PSMD14: variants seen among roughly 807,000 people sequenced by gnomAD.
PSMD14 encodes ubiquitin C-terminal hydrolase PSMD14.
In PSMD14, 7 loss-of-function variants were observed where a neutral mutation model predicts 41.2. That is an observed-to-expected ratio of 0.17 (90% confidence interval 0.10 to 0.32). The LOEUF is 0.32. Ranked by LOEUF, PSMD14 falls within the 10% of genes least tolerant of loss-of-function variation. The pLI is 1.00. For missense variants in PSMD14, 139 were observed against 375.6 expected (o/e 0.37, Z 5.21); for synonymous variants, 114 against 122.3 (o/e 0.93, Z 0.45).
chr2:161,395,781 C>T (rs1250737009), intron 10 of PSMD14, among the ~76,000 whole-genome samples: 7 of 152,154 alleles, frequency 4.6e-5, no homozygotes, highest in Non-Finnish European at 1.0e-4. Flanking sequence ...TATTGAACAT[C>T]TCTTATACAA....
intron 3 of PSMD14, among the ~76,000 whole-genome samples, chr2:161,327,712 G>A (rs1400579982): frequency 1.3e-5 from 2 of 152,016 alleles, no homozygotes; most frequent in African/African-American, 4.8e-5. Context: ...ACATTAATCT[G>A]CAACACCACG....
intron 3 of PSMD14, among the ~76,000 whole-genome samples, chr2:161,332,764 A>G (rs1682813243): frequency 1.3e-5 from 2 of 152,210 alleles, no homozygotes; most frequent in Non-Finnish European, 1.5e-5. Context: ...GCCACTGATG[A>G]AAAGTTCTGC....
chr2:161,315,033 G>A (rs539239183), intron 1 of PSMD14, among the ~76,000 whole-genome samples: 8 of 152,122 alleles, frequency 5.3e-5, no homozygotes, highest in East Asian at 3.9e-4. Flanking sequence ...ATTAATCTAG[G>A]GTATTATCAT....
intron 10 of PSMD14, among the ~76,000 whole-genome samples, chr2:161,407,055 G>T (rs1401027474): frequency 6.6e-6 from 1 of 151,972 alleles, no homozygotes; most frequent in South Asian, 2.1e-4. Context: ...TTCCAATACT[G>T]TAGTAAGTAC....
chr2:161,315,415 CT>C (rs1276499441), intron 1 of PSMD14, among the ~76,000 whole-genome samples: 4 of 152,146 alleles, frequency 2.6e-5, no homozygotes, highest in East Asian at 3.9e-4. Context: ...TTCTTTGTTG[CT>C]TTTTTTCCTT....
intron 7 of PSMD14, among the ~76,000 whole-genome samples, 198 bp downstream of exon 7, chr2:161,371,520 T>G (rs1280521594): frequency 6.6e-6 from 1 of 152,166 alleles, no homozygotes; most frequent in African/African-American, 2.4e-5. Flanking sequence ...GATTTCTTCT[T>G]TAATCACTTA....
intron 3 of PSMD14, among the ~76,000 whole-genome samples, chr2:161,338,550 G>A (rs888844470): frequency 6.6e-6 from 1 of 152,086 alleles, no homozygotes; most frequent in Non-Finnish European, 1.5e-5. Context: ...ATCACAAGAG[G>A]AAGTACTAAA....
At position 161,389,879 on chromosome 2, in the gene PSMD14, C is replaced by CTTT. The variant is rs1470566207; in HGVS notation, c.571-1221_571-1219dup. On this transcript the variant is annotated intron_variant, in intron 8 of 11. Coordinates refer to ENST00000409682, the MANE Select transcript of PSMD14 (RefSeq NM_005805.6). ...TTAATATTTGTGTCTTATTTTCTTT[C>CTTT]TTTTTTGTTGTTTTTTTTTTTTTTT... Among the ~76,000 whole-genome samples, 8 of 19,428 alleles carry CTTT rather than the reference C, an allele frequency of 4.1e-4. No homozygotes were observed. The East Asian group carries it at 0.012, about 30-fold the overall frequency. 12.7% of individuals were successfully genotyped at this position (19,428 alleles called of 152,430 possible).
chr2:161,395,052 G>T lies in PSMD14; in HGVS notation c.646-26G>T, dbSNP rs1467422868. 12 of 1,544,938 alleles carry T rather than the reference G, an allele frequency of 7.8e-6. No homozygotes were observed. In the African/African-American group the frequency reaches 8.4e-5, roughly 11 times the overall value. ...AGGGGGTATCCTCAAGGCAGAAAAA[G>T]AATTACTTTTTCTTTTATTTTTTAG... On this transcript the variant is annotated intron_variant, in intron 9 of 11. Coordinates refer to ENST00000409682, the MANE Select transcript of PSMD14 (RefSeq NM_005805.6).
intron 3 of PSMD14, among the ~76,000 whole-genome samples, chr2:161,335,328 A>C (rs1211315335): frequency 6.6e-6 from 1 of 152,136 alleles, no homozygotes; most frequent in African/African-American, 2.4e-5. Flanking sequence ...GAAATATATT[A>C]TATTTAGCTG....
intron 7 of PSMD14, among the ~76,000 whole-genome samples, chr2:161,376,400 C>T (rs1400750409): frequency 6.6e-6 from 1 of 151,646 alleles, no homozygotes; most frequent in Non-Finnish European, 1.5e-5. Context: ...TGAAGATTAA[C>T]ATAATTCATA....
At chr2:161,342,860 TGTTA>T (rs2105242986) in intron 3 of PSMD14, among the ~76,000 whole-genome samples, 1 of 152,308 alleles carries the variant, frequency 6.6e-6, no homozygotes, top group East Asian at 1.9e-4. Context: ...TAACTTGTTT[TGTTA>T]GTTTATTTTT....
intron 3 of PSMD14, among the ~76,000 whole-genome samples, chr2:161,347,794 G>C (rs72876102): frequency 0.014 from 2,089 of 152,218 alleles, 24 homozygotes; most frequent in Non-Finnish European, 0.02. Context: ...TGTGTGCCGG[G>C]TACTCTTCTA....
intron 3 of PSMD14, among the ~76,000 whole-genome samples, chr2:161,357,152 A>T (rs1189066116): frequency 6.9e-6 from 1 of 144,512 alleles, no homozygotes; most frequent in African/African-American, 2.6e-5. Flanking sequence ...ATCAGATTTT[A>T]ATCTTCTAAA....
rs114757979 is a variant in PSMD14, at chr2:161,376,468, T to C, written c.462+5146T>C. Among the ~76,000 whole-genome samples the C allele has an allele frequency of 9.0e-3, 1,375 of 151,966 alleles. 23 individuals are homozygous for C. The highest frequency in any genetic ancestry group is 0.031 in the African/African-American group (1,304 of 41,510). ...AATAGAATGTGAATGTTTCTGCAAG[T>C]TTTGATAAGAACAAGCCCATAAATT... On this transcript the variant is annotated intron_variant, in intron 7 of 11. Transcript: ENST00000409682.
At chr2:161,403,284 A>G (rs1449074942) in intron 10 of PSMD14, among the ~76,000 whole-genome samples, 2 of 152,222 alleles carry the variant, frequency 1.3e-5, no homozygotes, top group Non-Finnish European at 2.9e-5. Context: ...GAAAGAAGAC[A>G]GATGCAAAAG....
chr2:161,354,284 T>C (rs1047691195), intron 3 of PSMD14, among the ~76,000 whole-genome samples: 1 of 152,134 alleles, frequency 6.6e-6, no homozygotes, highest in African/African-American at 2.4e-5. Flanking sequence ...GTCTCACTCT[T>C]GCCCAGGCTA....
At chr2:161,312,239 G>A (rs1689096333) in intron 1 of PSMD14, among the ~76,000 whole-genome samples, 1 of 151,916 alleles carries the variant, frequency 6.6e-6, no homozygotes, top group African/African-American at 2.4e-5. Flanking sequence ...CACCTTCTGG[G>A]TTCAAGTGAT....
chr2:161,402,086 C>G (rs1010429319), intron 10 of PSMD14, among the ~76,000 whole-genome samples: 4 of 152,224 alleles, frequency 2.6e-5, no homozygotes, highest in African/African-American at 9.6e-5. Context: ...CACATCTACT[C>G]AATCAGTAAA....
Sources: gnomAD v4.1 joint callset for allele counts (sites outside exome capture counted in the v4.1 genomes callset) on GRCh38, gnomAD v4.1.1 for gene constraint, MANE v1.5 for transcripts, NCBI Gene and HGNC (gene_info 2026-07-23, HGNC 2026-07-21) for gene names.